The following DZIP1L variants were observed in gnomAD, a reference collection of about 807,000 sequenced individuals.
The protein encoded by DZIP1L is cilium assembly protein DZIP1L.
DZIP1L carries 90 observed loss-of-function variants against 88.7 expected under a neutral mutation model. That is an observed-to-expected ratio of 1.02 (90% CI 0.86 to 1.21). The LOEUF (loss-of-function observed/expected upper bound fraction) is 1.21. Among genes scored for constraint, DZIP1L ranks in the 50% most tolerant of loss-of-function variants. DZIP1L has a pLI of 0.00. For missense variants in DZIP1L, 932 were observed against 955.8 expected, an observed-to-expected ratio of 0.98 and a Z score of 0.33; for synonymous variants, 363 against 372.1, an observed-to-expected ratio of 0.98 and a Z score of 0.28.
At chr3:138,080,748 GGAGA>G in intron 9 of DZIP1L, 128 bp from the exon 10 acceptor site, 1 of 859,006 alleles carries the variant, frequency 1.2e-6, no homozygotes, top group Non-Finnish European at 1.8e-6. Context: ...CATCTTGACT[GGAGA>G]GAGGCAGGAC....
chr3:138,088,433 C>G lies in DZIP1L; in HGVS notation c.945G>C (p.Glu315Asp). ...GAAGCTCCCGTGCCTGCCGAAGCCA[C>G]TCCTCTGACTCCTCATCTCGCAGTG... ...LGSLRDEESE[E>D]WLRQARELQA... The change falls in exon 6 of 16, where the codon GAG becomes GAC. Residue 315 changes from glutamate to aspartate, a missense_variant. Glu to Asp is a conservative substitution (Grantham distance 45). Coordinates refer to ENST00000327532, the MANE Select transcript of DZIP1L (RefSeq NM_173543.3). 1 of 1,614,032 alleles carries G rather than the reference C, an allele frequency of 6.2e-7. No homozygotes were observed. Among genetic ancestry groups the G allele is most frequent in the Non-Finnish European group, 8.5e-7 (1 of 1,179,946 alleles).
At chr3:138,101,041 CAT>C (rs1021431559) in intron 2 of DZIP1L, among the ~76,000 whole-genome samples, 15 of 152,112 alleles carry the variant, frequency 9.9e-5, no homozygotes, top group African/African-American at 3.4e-4. Flanking sequence ...CACTCCTCTA[CAT>C]ACACATACAA....
At chr3:138,084,479 GGTGTAGCC>G (rs1943831122) in intron 7 of DZIP1L, among the ~76,000 whole-genome samples, 1 of 152,168 alleles carries the variant, frequency 6.6e-6, no homozygotes, top group African/African-American at 2.4e-5. Flanking sequence ...AGGAGAGAAA[GGTGTAGCC>G]ACCCATTGAA....
chr3:138,092,725 T>C (rs1345198082), intron 4 of DZIP1L, among the ~76,000 whole-genome samples, 181 bp from the exon 5 acceptor site: 1 of 152,240 alleles, frequency 6.6e-6, no homozygotes, highest in African/African-American at 2.4e-5. Flanking sequence ...GTCTGCTACT[T>C]CTAAGCATCT....
At position 138,084,199 on chromosome 3, in the gene DZIP1L, C is replaced by T; in HGVS notation, c.1117G>A (p.Ala373Thr). 6.2e-7 allele frequency: 1 copy of T among 1,614,202 alleles called. No individual in the cohort carries two copies. Among genetic ancestry groups the T allele is most frequent in the Non-Finnish European group, 8.5e-7 (1 of 1,180,018 alleles). The change falls in exon 8 of 16, where the codon GCA (alanine) becomes ACA (threonine). Residue 373 changes from alanine (A) to threonine (T), a missense_variant. Ala to Thr is a moderately conservative substitution (Grantham distance 58, BLOSUM62 0). Coordinates refer to ENST00000327532, the MANE Select transcript of DZIP1L (RefSeq NM_173543.3). ...ATCTGGCACTGGGACTGGGCAGCTGCCTTCTTCTGATCCTGAGACAGGGAG... is the reference window on the plus strand; with the variant it reads ...ATCTGGCACTGGGACTGGGCAGCTGTCTTCTTCTGATCCTGAGACAGGGAG... Reference protein sequence around the residue: ...QASLSQDQKKAAAQSQCQIST... With the variant: ...QASLSQDQKKTAAQSQCQIST...
At chr3:138,090,172 T>A (rs1027679366) in intron 5 of DZIP1L, among the ~76,000 whole-genome samples, 1 of 151,088 alleles carries the variant, frequency 6.6e-6, no homozygotes, top group African/African-American at 2.4e-5. Flanking sequence ...ATAAATAAAA[T>A]TAAAAATTAA....
intron 12 of DZIP1L, among the ~76,000 whole-genome samples, chr3:138,069,717 G>C (rs1420349434): frequency 6.6e-6 from 1 of 152,188 alleles, no homozygotes; most frequent in Non-Finnish European, 1.5e-5. Context: ...GAAGAAAGTG[G>C]TGAATACAAA....
chr3:138,094,934 T>C lies in DZIP1L; in HGVS notation c.636A>G (p.Leu212=), dbSNP rs1468309836. ...EQPVEEVLEE[L]RAKLKWTQGE... ...CTTGGGTCCACTTTAGCTTGGCCCG[T>C]AGCTCTTCTAACACCTCTTCCACTG... Residue 212 remains leucine (L), a synonymous_variant, in exon 4 of 16, where the codon CTA becomes CTG. Coordinates refer to ENST00000327532, the MANE Select transcript of DZIP1L (RefSeq NM_173543.3). 5.0e-6 allele frequency: 8 copies of C among 1,614,166 alleles called. No homozygotes were observed. Among genetic ancestry groups the C allele is most frequent in the Non-Finnish European group, 6.8e-6 (8 of 1,179,954 alleles).
At chr3:138,086,205 T>C (rs1943927534) in intron 7 of DZIP1L, among the ~76,000 whole-genome samples, 1 of 150,812 alleles carries the variant, frequency 6.6e-6, no homozygotes, top group African/African-American at 2.4e-5. Context: ...CATGTATACA[T>C]ATGTAACTAA....
At chr3:138,072,375 A>G (rs1410817777) in intron 11 of DZIP1L, among the ~76,000 whole-genome samples, 2 of 152,208 alleles carry the variant, frequency 1.3e-5, no homozygotes, top group African/African-American at 4.8e-5. Flanking sequence ...ATGAGGATTC[A>G]TGCAAGGTTA....
At chr3:138,099,013 T>C (rs2107830713) in intron 2 of DZIP1L, among the ~76,000 whole-genome samples, 1 of 152,288 alleles carries the variant, frequency 6.6e-6, no homozygotes, top group South Asian at 2.1e-4. Context: ...GGTAGGTGAC[T>C]GTAGTCCTAA....
intron 9 of DZIP1L, among the ~76,000 whole-genome samples, chr3:138,080,979 G>GCTCCATCCCTCAAGAGGGT (rs1384886931): frequency 6.6e-6 from 1 of 152,158 alleles, no homozygotes; most frequent in Non-Finnish European, 1.5e-5. Flanking sequence ...CTCTGCTCTA[G>GCTCCATCCCTCAAGAGGGT]CTCCATCCCT....
intron 6 of DZIP1L, 101 bp from the exon 7 acceptor site, chr3:138,087,124 A>C: frequency 9.9e-7 from 1 of 1,007,206 alleles, no homozygotes; most frequent in Non-Finnish European, 1.5e-6. Context: ...GTAGGCAGAC[A>C]GAGTAGTGGA....
At chr3:138,081,944 G>C (rs1360003751) in intron 8 of DZIP1L, 180 bp from the exon 9 acceptor site, 3 of 497,692 alleles carry the variant, frequency 6.0e-6, no homozygotes, top group Non-Finnish European at 1.1e-5. Flanking sequence ...TCTGGGGTCC[G>C]TGTGTGAAAG....
chr3:138,098,587 A>G (rs1406437435), intron 2 of DZIP1L, among the ~76,000 whole-genome samples: 1 of 152,192 alleles, frequency 6.6e-6, no homozygotes. Flanking sequence ...ATTATTTGCT[A>G]TCTTTGCAGA....
chr3:138,062,856 C>T lies in DZIP1L; in HGVS notation c.2264G>A (p.Gly755Asp). 6.2e-7 allele frequency: 1 copy of T among 1,614,142 alleles called. No individual in the cohort carries two copies. Among genetic ancestry groups the T allele is most frequent in the Non-Finnish European group, 8.5e-7 (1 of 1,180,038 alleles). Residue 755 changes from glycine to aspartate, a missense_variant, in exon 16 of 16, where the codon GGT becomes GAT. Physicochemically the swap from Gly to Asp is moderately conservative, Grantham distance 94 (BLOSUM62 -1). Transcript: ENST00000327532. The stretch of plus-strand genomic sequence containing the variant: ...CCTGGGTTGGCCAGAGCTCTGTGGA[C>T]CAGTGCCAAACTTCTCTGGGAGCTT... Reference protein sequence around the residue: ...RSKLPEKFGTGPQSSGQPRVP... With the variant: ...RSKLPEKFGTDPQSSGQPRVP...
Position 138,062,663 on chromosome 3 carries a change from G to T in DZIP1L, c.*153C>A. The T allele has an allele frequency of 1.1e-6, 1 of 894,538 alleles. No homozygotes were observed. The highest frequency in any genetic ancestry group is 1.7e-6 in the Non-Finnish European group (1 of 593,050). 55.4% of individuals were successfully genotyped at this position (894,538 alleles called of 1,614,324 possible). A position where few individuals can be genotyped will look rare whatever the true frequency, so the allele number is the denominator to read the frequency against. On this transcript the variant is annotated 3_prime_UTR_variant, in exon 16 of 16. Transcript: ENST00000327532. Reference sequence around the variant, plus strand: ...GGGCCCCTCACAGGTCAGGAGGGATGAGATCATATCCATTCCCTGCACTGC... The same window carrying T: ...GGGCCCCTCACAGGTCAGGAGGGATTAGATCATATCCATTCCCTGCACTGC...
chr3:138,104,171 T>C, intron 1 of DZIP1L, 119 bp from the exon 2 acceptor site: 1 of 955,034 alleles, frequency 1.0e-6, no homozygotes, highest in South Asian at 1.8e-5. Flanking sequence ...AGCTGTAGCA[T>C]TCATGGTGTG....
At chr3:138,111,405 G>T (rs1322184963) in intron 1 of DZIP1L, among the ~76,000 whole-genome samples, 1 of 152,134 alleles carries the variant, frequency 6.6e-6, no homozygotes, top group African/African-American at 2.4e-5. Flanking sequence ...TAAGAGCTGA[G>T]AGTGCAGGAG....
Sources: allele counts gnomAD v4.1 joint callset (sites outside exome capture counted in the v4.1 genomes callset), GRCh38; gene constraint gnomAD v4.1.1; transcripts MANE v1.5; gene names NCBI Gene and HGNC (gene_info 2026-07-23, HGNC 2026-07-21).